Variants in NTM observed in about 807,000 individuals in gnomAD.
The protein encoded by NTM is IgLON family member 2.
A neutral mutation model predicts 42.1 loss-of-function variants in NTM; 13 were observed. The observed-to-expected ratio is 0.31, with a 90% CI of 0.20 to 0.49. The LOEUF is 0.49. Ranked by LOEUF, NTM falls within the 20% of genes least tolerant of loss-of-function variation. The pLI, the probability that NTM is intolerant of heterozygous loss-of-function variation, is 0.99. For missense variants in NTM, 373 were observed against 452.8 expected (o/e 0.82, Z 1.60); for synonymous variants, 187 against 179.2 (o/e 1.04, Z -0.35).
intron 1 of NTM, among the ~76,000 whole-genome samples, chr11:131,390,487 C>T (rs913141967): frequency 6.6e-6 from 1 of 152,172 alleles, no homozygotes; most frequent in African/African-American, 2.4e-5. Flanking sequence ...AACCTGAGCA[C>T]TTGGCCCCTA....
intron 2 of NTM, among the ~76,000 whole-genome samples, chr11:132,038,043 T>C (rs889910131): frequency 7.2e-5 from 11 of 152,234 alleles, no homozygotes; most frequent in Non-Finnish European, 1.2e-4. Context: ...TGCACACACA[T>C]GGGGCAGAGA....
At chr11:132,234,825 T>C (rs2088449579) in intron 4 of NTM, among the ~76,000 whole-genome samples, 1 of 152,264 alleles carries the variant, frequency 6.6e-6, no homozygotes, top group African/African-American at 2.4e-5. Context: ...TTTATATTCT[T>C]CTACATAACT....
intron 1 of NTM, among the ~76,000 whole-genome samples, chr11:131,662,698 A>C (rs2068292566): frequency 6.6e-6 from 1 of 152,124 alleles, no homozygotes. Context: ...GCTGCAACAT[A>C]ATCGCTTCTT....
intron 1 of NTM, among the ~76,000 whole-genome samples, chr11:131,555,371 A>T (rs2055269555): frequency 6.6e-6 from 1 of 152,180 alleles, no homozygotes; most frequent in African/African-American, 2.4e-5. Flanking sequence ...CAGGGTTGTC[A>T]TTGGGTCCTT....
At chr11:131,736,476 G>A (rs1348934502) in intron 1 of NTM, among the ~76,000 whole-genome samples, 1 of 152,162 alleles carries the variant, frequency 6.6e-6, no homozygotes, top group African/African-American at 2.4e-5. Context: ...CACTTACAAA[G>A]CTCTGTGGTG....
At chr11:131,885,339 T>C (rs1252782064) in intron 1 of NTM, among the ~76,000 whole-genome samples, 1 of 152,124 alleles carries the variant, frequency 6.6e-6, no homozygotes. Flanking sequence ...CAATCTAGCA[T>C]GGTGGAGCCC....
intron 4 of NTM, among the ~76,000 whole-genome samples, chr11:132,269,176 A>G (rs2093360865): frequency 6.6e-6 from 1 of 152,206 alleles, no homozygotes; most frequent in Admixed American, 6.5e-5. Context: ...AGGACATACA[A>G]TAGAACAAGA....
intron 2 of NTM, among the ~76,000 whole-genome samples, chr11:131,999,118 T>C (rs2068692522): frequency 6.6e-6 from 1 of 152,162 alleles, no homozygotes; most frequent in Admixed American, 6.5e-5. Context: ...TCGTGTGTGC[T>C]CTTCCTTCGC....
intron 1 of NTM, among the ~76,000 whole-genome samples, chr11:131,757,775 T>C (rs1345047694): frequency 6.6e-6 from 1 of 152,168 alleles, no homozygotes; most frequent in Non-Finnish European, 1.5e-5. Context: ...AGTCATCTAA[T>C]TATTATACAA....
chr11:131,772,004 C>A (rs753422160), intron 1 of NTM, among the ~76,000 whole-genome samples: 2 of 152,152 alleles, frequency 1.3e-5, no homozygotes, highest in Non-Finnish European at 2.9e-5. Context: ...TTCCTCCCAA[C>A]CTAATCCCAA....
intron 1 of NTM, among the ~76,000 whole-genome samples, chr11:131,655,662 G>C (rs541693438): frequency 1.3e-5 from 2 of 152,330 alleles, no homozygotes; most frequent in South Asian, 4.1e-4. Flanking sequence ...GAGAAAGGAC[G>C]GTGGACTGGC....
At chr11:132,197,753 C>G (rs1180107360) in intron 3 of NTM, among the ~76,000 whole-genome samples, 2 of 149,376 alleles carry the variant, frequency 1.3e-5, no homozygotes, top group Non-Finnish European at 3.0e-5. Flanking sequence ...GCGGTGTTTG[C>G]TTTTTTGTCC....
intron 2 of NTM, among the ~76,000 whole-genome samples, chr11:132,106,100 G>A (rs2062344994): frequency 6.6e-6 from 1 of 152,174 alleles, no homozygotes; most frequent in South Asian, 2.1e-4. Flanking sequence ...TTACTTACAT[G>A]TTCCCTGAAG....
chr11:132,044,126 A>ATG (rs879634102), intron 2 of NTM, among the ~76,000 whole-genome samples: 7,604 of 51,472 alleles, frequency 0.15, 263 homozygotes, highest in Non-Finnish European at 0.17. Context: ...ATGTGTGTGT[A>ATG]TATATGTGTG....
rs558391257 is a variant in NTM at position 131,903,458 on chromosome 11, C to T, written c.83-8106C>T. 3.3e-5 allele frequency among the ~76,000 whole-genome samples: 5 copies of T among 152,280 alleles called. No individual in the cohort carries two copies. The South Asian group carries it at 8.3e-4, about 25-fold the overall frequency. On this transcript the variant is annotated intron_variant, in intron 1 of 8. Coordinates refer to ENST00000683400, the MANE Select transcript of NTM (RefSeq NM_001352005.2). ...GGTTGCATTGTGGGATTTTCTTTTCCTTAAAGAAACCCTTTATCAGAAGAC... is the reference window on the plus strand; with the variant it reads ...GGTTGCATTGTGGGATTTTCTTTTCTTTAAAGAAACCCTTTATCAGAAGAC...
At chr11:131,820,467 T>A (rs2093137294) in intron 1 of NTM, among the ~76,000 whole-genome samples, 1 of 152,210 alleles carries the variant, frequency 6.6e-6, no homozygotes, top group South Asian at 2.1e-4. Context: ...GAAATAAATA[T>A]GTATTATGAA....
At chr11:132,318,444 G>A (rs2095485721) in intron 7 of NTM, among the ~76,000 whole-genome samples, 1 of 152,074 alleles carries the variant, frequency 6.6e-6, no homozygotes, top group African/African-American at 2.4e-5. Flanking sequence ...CATCATAGGG[G>A]GTCCTTCACT....
At chr11:131,374,566 C>G (rs187126284) in intron 1 of NTM, among the ~76,000 whole-genome samples, 1 of 152,120 alleles carries the variant, frequency 6.6e-6, no homozygotes, top group Non-Finnish European at 1.5e-5. Context: ...TTAATTCAGG[C>G]GTCCTGCGTA....
chr11:131,611,221 G>A (rs757151540), intron 1 of NTM, among the ~76,000 whole-genome samples: 9 of 152,196 alleles, frequency 5.9e-5, no homozygotes, highest in Non-Finnish European at 1.3e-4. Flanking sequence ...GAGTCAGGAA[G>A]AGGAGCTGGC....
Sources: gnomAD v4.1 joint callset for allele counts (sites outside exome capture counted in the v4.1 genomes callset) on GRCh38, gnomAD v4.1.1 for gene constraint, MANE v1.5 for transcripts, NCBI Gene and HGNC (gene_info 2026-07-23, HGNC 2026-07-21) for gene names.